The following TPRA1 variants were observed in gnomAD, a reference collection of about 807,000 sequenced individuals.
TPRA1 encodes the protein transmembrane protein adipocyte-associated 1.
Under a neutral mutation model 40.1 loss-of-function variants are expected in TPRA1, and 28 were observed. The observed-to-expected ratio is 0.70, with a 90% CI of 0.52 to 0.96. The LOEUF (loss-of-function observed/expected upper bound fraction) is 0.96. TPRA1 is among the 40% of genes least tolerant of loss of function. The probability of loss-of-function intolerance (pLI) is 0.00; values close to 1 mark genes in which losing one functional copy is unlikely to be tolerated. For synonymous variants in TPRA1, 219 were observed against 209.7 expected, an observed-to-expected ratio of 1.04 and a Z score of -0.38; for missense variants, 441 against 482.6, an observed-to-expected ratio of 0.91 and a Z score of 0.81.
At chr3:127,590,230 G>A (rs909389477) in intron 1 of TPRA1, among the ~76,000 whole-genome samples, 180 bp downstream of exon 1, 1 of 152,172 alleles carries the variant, frequency 6.6e-6, no homozygotes, top group African/African-American at 2.4e-5. Context: ...CCCCTCCCGT[G>A]GGTTCCCACA....
At chr3:127,587,607 G>A (rs984946562) in intron 1 of TPRA1, among the ~76,000 whole-genome samples, 2 of 151,730 alleles carry the variant, frequency 1.3e-5, no homozygotes, top group Non-Finnish European at 2.9e-5. Context: ...GTGCCGTAAG[G>A]ATCAAACAAA....
chr3:127,574,382 C>T (rs979644371), intron 10 of TPRA1, among the ~76,000 whole-genome samples: 1 of 152,224 alleles, frequency 6.6e-6, no homozygotes, highest in Non-Finnish European at 1.5e-5. Flanking sequence ...AAAGGGGGGA[C>T]AAAACACCCA....
rs1190000158 is a variant in TPRA1, at chr3:127,571,782, A to G, written c.*1739T>C. On this transcript the variant is annotated 3_prime_UTR_variant, in exon 11 of 11. Transcript: ENST00000355552. Reference sequence around the variant, plus strand: ...ACCAAATACCCTCCTGTACTGCATGAACCTTTTTTTTTCTTGCCATGTACA... The same window carrying G: ...ACCAAATACCCTCCTGTACTGCATGGACCTTTTTTTTTCTTGCCATGTACA... 1 of 152,164 alleles carries G rather than the reference A, an allele frequency of 6.6e-6. No individual in the cohort carries two copies. Among genetic ancestry groups the G allele is most frequent in the Non-Finnish European group, 1.5e-5 (1 of 68,038 alleles). The allele number at this position is 152,164 out of a possible 1,614,324, so 9.4% of individuals were successfully genotyped here. A position where few individuals can be genotyped will look rare whatever the true frequency, so the allele number is the denominator to read the frequency against.
intron 8 of TPRA1, 73 bp from the exon 9 acceptor site, chr3:127,575,578 C>G (rs1003930256): frequency 6.8e-7 from 1 of 1,469,192 alleles, no homozygotes; most frequent in Non-Finnish European, 9.2e-7. Flanking sequence ...CACCTACTAC[C>G]CTCAAGCCTG....
chr3:127,590,745 A>T (rs2074149578), upstream of TPRA1: 3 of 152,142 alleles, frequency 2.0e-5, no homozygotes, highest in African/African-American at 7.2e-5. Flanking sequence ...CAAGTCCCAG[A>T]GTCCCAGAGT....
At chr3:127,596,853 A>C (rs2074248037) in intron 1 of TPRA1, among the ~76,000 whole-genome samples, 1 of 152,130 alleles carries the variant, frequency 6.6e-6, no homozygotes, top group African/African-American at 2.4e-5. Context: ...GTGGTGGCTC[A>C]CGCCTGTAAT....
At chr3:127,594,191 C>A (rs1157459316), upstream of TPRA1, among the ~76,000 whole-genome samples, 1 of 152,260 alleles carries the variant, frequency 6.6e-6, no homozygotes, top group East Asian at 1.9e-4. Flanking sequence ...GAACATCCCC[C>A]TGCACACTCC....
rs1215400559 is a variant in TPRA1 at position 127,590,518 on chromosome 3, C to T, written c.-126G>A. ...GCACAGGCCGCGGGACTCCGGCCTC[C>T]AGCGCCAGACCAGGCGGCCTGGGCC... On this transcript the variant is annotated 5_prime_UTR_variant, in exon 1 of 11. Transcript: ENST00000355552. 6.6e-6 allele frequency: 1 copy of T among 152,248 alleles called. No individual in the cohort carries two copies. Among genetic ancestry groups the T allele is most frequent in the Non-Finnish European group, 1.5e-5 (1 of 68,058 alleles). 9.4% of individuals were successfully genotyped at this position (152,248 alleles called of 1,614,324 possible).
chr3:127,589,381 G>A (rs1285932695), intron 1 of TPRA1, among the ~76,000 whole-genome samples: 1 of 150,404 alleles, frequency 6.6e-6, no homozygotes, highest in South Asian at 2.1e-4. Flanking sequence ...TTCCCACACC[G>A]ACGGGTTGTT....
At chr3:127,584,851 T>C (rs999204391) in intron 1 of TPRA1, among the ~76,000 whole-genome samples, 19 of 152,142 alleles carry the variant, frequency 1.2e-4, no homozygotes, top group East Asian at 3.8e-4. Flanking sequence ...TATAAACATA[T>C]GACACGAGCA....
chr3:127,572,877 C>CCAGGGG lies in TPRA1; in HGVS notation c.*638_*643dup, dbSNP rs1430310130. On this transcript the variant is annotated 3_prime_UTR_variant, in exon 11 of 11. Coordinates refer to ENST00000355552, the MANE Select transcript of TPRA1 (RefSeq NM_001136053.4). ...GTCTGTCCCCCCTACTCAGATGGGC[C>CCAGGGG]CAGGGGCAGGGGCAGCGGCAGCTGG... Among the ~76,000 whole-genome samples the CCAGGGG allele has an allele frequency of 1.2e-4, 19 of 152,242 alleles. No homozygotes were observed. In the East Asian group the frequency reaches 1.9e-3, roughly 15 times the overall value.
chr3:127,580,095 G>T lies in TPRA1; in HGVS notation c.52C>A (p.Pro18Thr). The change falls in exon 2 of 11, where the codon CCA becomes ACA. Residue 18 changes from proline (P) to threonine (T), a missense_variant. Physicochemically the swap from Pro to Thr is conservative, Grantham distance 38. Transcript: ENST00000355552. ...ACACTGATGTTTGGTGCCAGGGGTGGGGGTAGCGCTGTGCTCCCATTGGCC... is the reference window on the plus strand; with the variant it reads ...ACACTGATGTTTGGTGCCAGGGGTGTGGGTAGCGCTGTGCTCCCATTGGCC... ...TWANGSTALP[P>T]PLAPNISVPH... is the part of the protein sequence containing the mutation. The T allele has an allele frequency of 3.7e-6, 6 of 1,613,834 alleles. 1 individual carries two copies. The Middle Eastern group carries it at 8.2e-4, about 222-fold the overall frequency.
intron 1 of TPRA1, among the ~76,000 whole-genome samples, chr3:127,581,455 C>T (rs781589741): frequency 2.0e-5 from 3 of 152,126 alleles, no homozygotes; most frequent in South Asian, 2.1e-4. Flanking sequence ...GCAGACAGGG[C>T]GCCTTTGGGG....
intron 3 of TPRA1, among the ~76,000 whole-genome samples, chr3:127,578,454 T>C (rs2073719078): frequency 1.3e-5 from 2 of 152,196 alleles, no homozygotes; most frequent in Non-Finnish European, 1.5e-5. Flanking sequence ...CTGAACTCTT[T>C]AGGACAAAGT....
chr3:127,594,968 G>C (rs1272344279), upstream of TPRA1: 1 of 152,370 alleles, frequency 6.6e-6, no homozygotes, highest in Non-Finnish European at 1.5e-5. Context: ...ATGTGTCCTG[G>C]AGCAAGTCCA....
At chr3:127,578,559 G>A (rs2073722377) in intron 3 of TPRA1, among the ~76,000 whole-genome samples, 1 of 152,140 alleles carries the variant, frequency 6.6e-6, no homozygotes, top group African/African-American at 2.4e-5. Context: ...CCCCACAAAA[G>A]GACATCTGCC....
intron 1 of TPRA1, among the ~76,000 whole-genome samples, chr3:127,580,904 G>A (rs1576379181): frequency 6.6e-6 from 1 of 152,238 alleles, no homozygotes; most frequent in Admixed American, 6.5e-5. Context: ...AAGTGTGTCT[G>A]CAATGGCCAC....
Position 127,580,006 on chromosome 3 carries a change from G to A in TPRA1, c.125+16C>T, listed in dbSNP as rs375608339. On this transcript the variant is annotated intron_variant, in intron 2 of 10. Coordinates refer to ENST00000355552, the MANE Select transcript of TPRA1 (RefSeq NM_001136053.4). Reference sequence around the variant, plus strand: ...CTGACACTCAGCGAGCCTGCCCAGCGTTGTGACTGCCTCACCTGGAGGTGC... The same window carrying A: ...CTGACACTCAGCGAGCCTGCCCAGCATTGTGACTGCCTCACCTGGAGGTGC... 214 of 1,613,076 alleles carry A rather than the reference G, an allele frequency of 1.3e-4. No homozygotes were observed. The highest frequency in any genetic ancestry group is 3.1e-4 in the South Asian group (28 of 91,080).
rs1388876191 is a variant in TPRA1 at position 127,575,759 on chromosome 3, G to C, written c.660C>G (p.Ile220Met). 3.7e-6 allele frequency: 6 copies of C among 1,613,538 alleles called. No homozygotes were observed. The highest frequency in any genetic ancestry group is 4.2e-6 in the Non-Finnish European group (5 of 1,179,958). Residue 220 changes from isoleucine to methionine, a missense_variant, in exon 8 of 11, where the codon ATC (isoleucine) becomes ATG (methionine). By Grantham distance (10) the Ile-to-Met change is conservative. Transcript: ENST00000355552. The part of the protein sequence containing the change: ...ILPKTPLKER[I>M]SLPSRRSFYV... ...CGGCCAGCTGCTCACAAGGCAGGGA[G>C]ATGCGCTCCTTCAGCGGGGTCTTGG...
Sources: allele counts gnomAD v4.1 joint callset (sites outside exome capture counted in the v4.1 genomes callset), GRCh38; gene constraint gnomAD v4.1.1; transcripts MANE v1.5; gene names NCBI Gene and HGNC (gene_info 2026-07-23, HGNC 2026-07-21).